The following PABIR2 variants were observed in gnomAD, a reference collection of about 807,000 sequenced individuals.
PABIR2 encodes the protein family with sequence similarity 122B.
Under a neutral mutation model 22.8 loss-of-function variants are expected in PABIR2, and 7 were observed. The observed-to-expected ratio is 0.31, with a 90% CI of 0.17 to 0.58. The LOEUF is 0.58. Among genes scored for constraint, PABIR2 ranks in the 20% least tolerant of loss-of-function variants. The pLI, the probability that PABIR2 is intolerant of heterozygous loss-of-function variation, is 0.89. For synonymous variants in PABIR2, 67 were observed against 73.8 expected (o/e 0.91, Z 0.47); for missense variants, 155 against 205.1 (o/e 0.76, Z 1.49).
intron 8 of PABIR2, among the ~76,000 whole-genome samples, chrX:134,784,572 G>A (rs1471533298): frequency 9.2e-6 from 1 of 108,984 alleles, no homozygotes; most frequent in Non-Finnish European, 1.9e-5. Flanking sequence ...CTGCTTCCTG[G>A]GCTCAAGGAA....
Position 134,796,403 on chromosome X carries a change from T to C in PABIR2, c.-198A>G. On this transcript the variant is annotated 5_prime_UTR_variant, in exon 1 of 10. Coordinates refer to ENST00000343004, the MANE Select transcript of PABIR2 (RefSeq NM_001387468.1). ...GAGGAGGAGGGAAGGAGGATGATGA[T>C]GAGGAAGGGAGGATGATGGTGAGGC... 2.6e-6 allele frequency: 1 copy of C among 384,185 alleles called. No homozygotes were observed. The highest frequency in any genetic ancestry group is 4.2e-5 in the East Asian group (1 of 24,021). 31.7% of individuals were successfully genotyped at this position (384,185 alleles called of 1,213,427 possible). A position where few individuals can be genotyped will look rare whatever the true frequency, so the allele number is the denominator to read the frequency against.
chrX:134,792,427 C>A (rs1276471827), intron 2 of PABIR2, among the ~76,000 whole-genome samples: 1 of 112,030 alleles, frequency 8.9e-6, no homozygotes, highest in Non-Finnish European at 1.9e-5. Flanking sequence ...GGCTGTATAA[C>A]ATGTATAAAC....
rs1371075820 is a variant in PABIR2, at chrX:134,770,590, A to G, written c.*1549T>C. On this transcript the variant is annotated 3_prime_UTR_variant, in exon 10 of 10. Coordinates refer to ENST00000343004, the MANE Select transcript of PABIR2 (RefSeq NM_001387468.1). The stretch of plus-strand genomic sequence containing the variant: ...TGCCTTCAAAAGACACAAATGCAGT[A>G]GTTTTCATTTCTTACATTCACTTAA... 1 of 112,886 alleles carries G rather than the reference A, an allele frequency of 8.9e-6. No homozygotes were observed. The highest frequency in any genetic ancestry group is 1.9e-5 in the Non-Finnish European group (1 of 53,297). The allele number at this position is 112,886 out of a possible 1,213,427, so 9.3% of individuals were successfully genotyped here.
rs1460144784 is a variant in PABIR2 at position 134,771,424 on chromosome X, G to A, written c.*715C>T. The A allele has an allele frequency of 8.1e-6, 9 of 1,112,590 alleles. No individual in the cohort carries two copies. In the African/African-American group the frequency reaches 1.5e-4, roughly 18 times the overall value. 91.7% of individuals were successfully genotyped at this position (1,112,590 alleles called of 1,213,427 possible). A position where few individuals can be genotyped will look rare whatever the true frequency, so the allele number is the denominator to read the frequency against. On this transcript the variant is annotated 3_prime_UTR_variant, in exon 10 of 10. Coordinates refer to ENST00000343004, the MANE Select transcript of PABIR2 (RefSeq NM_001387468.1). ...TTTGAGGAGAAATATATCAACTGTGGTAGCAAAGTCATAAGAACCTGTGAT... is the reference window on the plus strand; with the variant it reads ...TTTGAGGAGAAATATATCAACTGTGATAGCAAAGTCATAAGAACCTGTGAT...
intron 2 of PABIR2, 36 bp from the exon 3 acceptor site, chrX:134,789,672 A>T: frequency 9.1e-7 from 1 of 1,102,546 alleles, no homozygotes; most frequent in Admixed American, 2.7e-5. Flanking sequence ...TATTTTCTGA[A>T]TCACAAAGCA....
chrX:134,796,005 G>A, intron 1 of PABIR2, 103 bp downstream of exon 1: 2 of 761,013 alleles, frequency 2.6e-6, no homozygotes, highest in Non-Finnish European at 3.8e-6. Context: ...TCAGGTTGAA[G>A]AGCCCAAATG....
chrX:134,779,968 G>T (rs1026114167), intron 9 of PABIR2, among the ~76,000 whole-genome samples: 2 of 112,439 alleles, frequency 1.8e-5, no homozygotes, highest in African/African-American at 6.5e-5. Flanking sequence ...ACCAAAATCA[G>T]CATACTGAAC....
intron 9 of PABIR2, among the ~76,000 whole-genome samples, chrX:134,775,438 G>A (rs1014313442): frequency 3.9e-5 from 4 of 101,437 alleles, no homozygotes; most frequent in Non-Finnish European, 3.9e-5. Context: ...AGAATGGCGT[G>A]AACCCGGGAG....
In PABIR2 at chrX:134,771,759, TG is replaced by T; in HGVS notation, c.*379del. The T allele has an allele frequency of 3.7e-6, 3 of 806,134 alleles. No individual in the cohort carries two copies. The highest frequency in any genetic ancestry group is 4.5e-6 in the Non-Finnish European group (3 of 674,078). 66.4% of individuals were successfully genotyped at this position (806,134 alleles called of 1,213,427 possible). On this transcript the variant is annotated 3_prime_UTR_variant, in exon 10 of 10. Coordinates refer to ENST00000343004, the MANE Select transcript of PABIR2 (RefSeq NM_001387468.1). ...AAAATCTCTCAAGCAAGAGAATTTC[TG>T]ATCAAATCTGTCATATCACTGCTGC...
At chrX:134,789,007 C>A in intron 5 of PABIR2, 78 bp downstream of exon 5, 1 of 1,153,460 alleles carries the variant, frequency 8.7e-7, no homozygotes, top group Non-Finnish European at 1.2e-6. Context: ...AAGAAGTGTG[C>A]GAAAAAATTA....
chrX:134,793,902 A>G lies in PABIR2; in HGVS notation c.99-9T>C, dbSNP rs2079622791. On this transcript the variant is annotated splice_polypyrimidine_tract_variant and intron_variant, in intron 1 of 9. Coordinates refer to ENST00000343004, the MANE Select transcript of PABIR2 (RefSeq NM_001387468.1). The stretch of plus-strand genomic sequence containing the variant: ...AAACCTGTGAAAGGTCACTGAAAAA[A>G]ACAAAAACAAACAAACAAAAAAAAC... 8.4e-7 allele frequency: 1 copy of G among 1,193,484 alleles called. No individual in the cohort carries two copies. Among genetic ancestry groups the G allele is most frequent in the Non-Finnish European group, 1.1e-6 (1 of 889,546 alleles).
At chrX:134,791,158 G>T (rs1484892079) in intron 2 of PABIR2, among the ~76,000 whole-genome samples, 4 of 110,514 alleles carry the variant, frequency 3.6e-5, no homozygotes, top group African/African-American at 1.3e-4. Flanking sequence ...ACAGAGCAAA[G>T]CTGTGTGTAG....
chrX:134,783,955 C>A (rs2079226668), intron 8 of PABIR2, among the ~76,000 whole-genome samples: 1 of 108,451 alleles, frequency 9.2e-6, no homozygotes, highest in Non-Finnish European at 1.9e-5. Context: ...CTCCTGTAAT[C>A]CCAGGTACTT....
chrX:134,775,399 T>C (rs2078944290), intron 9 of PABIR2, among the ~76,000 whole-genome samples: 1 of 107,057 alleles, frequency 9.3e-6, no homozygotes, highest in African/African-American at 3.4e-5. Context: ...GCGCCTGTAG[T>C]CCCAGCTACT....
intron 1 of PABIR2, 82 bp from the exon 2 acceptor site, chrX:134,793,975 C>T: frequency 8.7e-7 from 1 of 1,149,551 alleles, no homozygotes; most frequent in Non-Finnish European, 1.2e-6. Context: ...AATACATTAG[C>T]ATCAGTTATC....
chrX:134,772,232 C>T lies in PABIR2; in HGVS notation c.711G>A (p.Pro237=), dbSNP rs1245364579. ...CTGCGGTAGCGCTGCCTTTAGCCAG[C>T]GGGTCTGAGGATAAGCCACTGCTGC... The part of the protein sequence containing the change: ...SSSSSGLSSD[P]LAKGSATAES... Residue 237 remains proline, a synonymous_variant, in exon 10 of 10, where the codon CCG becomes CCA. Transcript: ENST00000343004. 4 of 1,202,823 alleles carry T rather than the reference C, an allele frequency of 3.3e-6. No homozygotes were observed. Among genetic ancestry groups the T allele is most frequent in the Admixed American group, 2.2e-5 (1 of 45,362 alleles).
At chrX:134,780,576 C>CA (rs1209320299) in intron 9 of PABIR2, among the ~76,000 whole-genome samples, 1 of 110,425 alleles carries the variant, frequency 9.1e-6, no homozygotes, top group African/African-American at 3.3e-5. Flanking sequence ...GAGCCTATCT[C>CA]AAAAAAACAA....
At chrX:134,784,453 C>T (rs1428969143) in intron 8 of PABIR2, among the ~76,000 whole-genome samples, 1 of 108,076 alleles carries the variant, frequency 9.3e-6, no homozygotes, top group South Asian at 4.1e-4. Flanking sequence ...GCAACAAGAA[C>T]GAAATTCGGT....
intron 6 of PABIR2, 69 bp from the exon 7 acceptor site, chrX:134,787,602 T>TTTTC (rs1257715330): frequency 2.5e-6 from 2 of 789,274 alleles, no homozygotes; most frequent in Non-Finnish European, 3.5e-6. Context: ...AGCACTCCAG[T>TTTTC]TTTCTTTCTT....
Sources: allele counts gnomAD v4.1 joint callset (sites outside exome capture counted in the v4.1 genomes callset), GRCh38; gene constraint gnomAD v4.1.1; transcripts MANE v1.5; gene names NCBI Gene and HGNC (gene_info 2026-07-23, HGNC 2026-07-21).